SLC35F1: variants seen among roughly 807,000 people sequenced by gnomAD.
SLC35F1 encodes the protein chromosome 6 open reading frame 169.
SLC35F1 carries 14 observed loss-of-function variants against 48.7 expected under a neutral mutation model. The ratio of observed to expected loss-of-function variants is 0.29; its 90% CI spans 0.19 to 0.45. SLC35F1 has a LOEUF of 0.45. Ranked by LOEUF, SLC35F1 falls within the 20% of genes least tolerant of loss-of-function variation. The pLI is 1.00. For synonymous variants in SLC35F1, 190 were observed against 202.2 expected (o/e 0.94, Z 0.51); for missense variants, 404 against 500.0 (o/e 0.81, Z 1.83).
intron 3 of SLC35F1, among the ~76,000 whole-genome samples, chr6:118,261,912 A>G (rs1775717375): frequency 6.6e-6 from 1 of 152,056 alleles, no homozygotes; most frequent in African/African-American, 2.4e-5. Context: ...CAGCCCCCTA[A>G]TCCCCATCCC....
intron 2 of SLC35F1, among the ~76,000 whole-genome samples, chr6:118,233,252 A>C (rs1775319212): frequency 6.6e-6 from 1 of 152,226 alleles, no homozygotes; most frequent in African/African-American, 2.4e-5. Context: ...GGCGTGAGCC[A>C]CCGCGCCCAG....
intron 3 of SLC35F1, among the ~76,000 whole-genome samples, chr6:118,238,315 T>C (rs1279090634): frequency 1.3e-5 from 2 of 152,180 alleles, no homozygotes; most frequent in East Asian, 1.9e-4. Context: ...CATACAGTTG[T>C]GCACCTCTGT....
At chr6:118,267,797 A>T (rs1775793760) in intron 4 of SLC35F1, among the ~76,000 whole-genome samples, 1 of 152,188 alleles carries the variant, frequency 6.6e-6, no homozygotes, top group Admixed American at 6.5e-5. Context: ...AAGCTGCATG[A>T]TTCACTCATC....
chr6:118,314,264 C>T lies in SLC35F1; in HGVS notation c.*12C>T, dbSNP rs1311723364. 1.2e-6 allele frequency: 2 copies of T among 1,611,354 alleles called. No individual in the cohort carries two copies. The highest frequency in any genetic ancestry group is 4.5e-5 in the East Asian group (2 of 44,858). On this transcript the variant is annotated 3_prime_UTR_variant, in exon 8 of 8. Coordinates refer to ENST00000360388, the MANE Select transcript of SLC35F1 (RefSeq NM_001029858.4). ...TTCGTGTGGCCTAGGGTGAGGCCCG[C>T]CCTGCCAACTGAGGCCAACTCATTG...
At chr6:117,910,310 A>G (rs1582556268) in intron 1 of SLC35F1, among the ~76,000 whole-genome samples, 1 of 152,336 alleles carries the variant, frequency 6.6e-6, no homozygotes, top group East Asian at 1.9e-4. Flanking sequence ...TTGAACCCTC[A>G]TGATGTGTTG....
chr6:118,223,050 C>T (rs184112120), intron 2 of SLC35F1, among the ~76,000 whole-genome samples: 8 of 152,262 alleles, frequency 5.3e-5, no homozygotes, highest in Admixed American at 1.3e-4. Flanking sequence ...TTTGTAACCA[C>T]ACAAGTACAT....
chr6:117,927,317 T>C (rs976253018), intron 1 of SLC35F1, among the ~76,000 whole-genome samples: 1 of 152,308 alleles, frequency 6.6e-6, no homozygotes, highest in East Asian at 1.9e-4. Flanking sequence ...AATCACAAAG[T>C]GTAACTATGA....
At position 118,111,224 on chromosome 6, in the gene SLC35F1, C is replaced by G. The variant is rs563530049; in HGVS notation, c.174-43221C>G. Among the ~76,000 whole-genome samples the G allele has an allele frequency of 1.6e-4, 25 of 151,986 alleles. No homozygotes were observed. In the South Asian group the frequency reaches 5.0e-3, roughly 30 times the overall value. On this transcript the variant is annotated intron_variant, in intron 1 of 7. Transcript: ENST00000360388. ...TTCAAAATAAATGACAGATGCCAAACCAGAGATCAAGGAAGCTCAGAGAAC... is the reference window on the plus strand; with the variant it reads ...TTCAAAATAAATGACAGATGCCAAAGCAGAGATCAAGGAAGCTCAGAGAAC...
intron 1 of SLC35F1, among the ~76,000 whole-genome samples, chr6:117,936,144 T>G (rs1464669157): frequency 6.6e-6 from 1 of 152,212 alleles, no homozygotes; most frequent in African/African-American, 2.4e-5. Flanking sequence ...TTCTGCTTAC[T>G]AGGATCTGCC....
intron 3 of SLC35F1, among the ~76,000 whole-genome samples, chr6:118,258,745 A>T (rs1251383439): frequency 6.6e-6 from 1 of 152,014 alleles, no homozygotes; most frequent in African/African-American, 2.4e-5. Flanking sequence ...AATATATATA[A>T]AATATACTAC....
At chr6:118,079,399 TC>T (rs1322985722) in intron 1 of SLC35F1, among the ~76,000 whole-genome samples, 7 of 152,228 alleles carry the variant, frequency 4.6e-5, no homozygotes, top group African/African-American at 1.7e-4. Flanking sequence ...TTTTATTTGT[TC>T]ATCTGCCAGT....
At chr6:118,230,118 G>A (rs975802772) in intron 2 of SLC35F1, among the ~76,000 whole-genome samples, 7 of 152,248 alleles carry the variant, frequency 4.6e-5, no homozygotes, top group East Asian at 3.9e-4. Flanking sequence ...ATGGTGGGCC[G>A]ATCACAAGGT....
chr6:117,921,475 T>C (rs978185046), intron 1 of SLC35F1, among the ~76,000 whole-genome samples: 1 of 152,282 alleles, frequency 6.6e-6, no homozygotes, highest in Admixed American at 6.5e-5. Context: ...ACAGTTTGTG[T>C]GATTTTAGTG....
chr6:118,012,004 A>C (rs1012180260), intron 1 of SLC35F1, among the ~76,000 whole-genome samples: 1 of 152,202 alleles, frequency 6.6e-6, no homozygotes, highest in African/African-American at 2.4e-5. Context: ...CTGACATTTT[A>C]AAAAATGATA....
intron 1 of SLC35F1, among the ~76,000 whole-genome samples, chr6:117,923,600 T>TATAC (rs1775935066): frequency 7.8e-5 from 1 of 12,888 alleles, no homozygotes; most frequent in Non-Finnish European, 1.2e-4. Flanking sequence ...TACATATGTG[T>TATAC]ATATATACAT....
chr6:117,989,519 A>G (rs1293922026), intron 1 of SLC35F1, among the ~76,000 whole-genome samples: 1 of 152,200 alleles, frequency 6.6e-6, no homozygotes, highest in Admixed American at 6.5e-5. Context: ...CAAACATTTA[A>G]TCTTGGGATG....
At chr6:117,950,157 A>G in intron 1 of SLC35F1, among the ~76,000 whole-genome samples, 1 of 152,194 alleles carries the variant, frequency 6.6e-6, no homozygotes, top group Middle Eastern at 3.2e-3. Context: ...ATAAGCTGGT[A>G]GAGATATATT....
At chr6:118,133,931 G>A (rs1303995242) in intron 1 of SLC35F1, among the ~76,000 whole-genome samples, 1 of 152,196 alleles carries the variant, frequency 6.6e-6, no homozygotes, top group African/African-American at 2.4e-5. Flanking sequence ...TCTCTCCATT[G>A]AGAACCTTCT....
chr6:118,239,119 T>A (rs1171156030), intron 3 of SLC35F1, among the ~76,000 whole-genome samples: 1 of 151,312 alleles, frequency 6.6e-6, no homozygotes, highest in African/African-American at 2.4e-5. Context: ...TTTGCAGTCT[T>A]TTACCTGAGA....
Sources: allele counts gnomAD v4.1 joint callset (sites outside exome capture counted in the v4.1 genomes callset), GRCh38; gene constraint gnomAD v4.1.1; transcripts MANE v1.5; gene names NCBI Gene and HGNC (gene_info 2026-07-23, HGNC 2026-07-21).